The following C4orf36 variants were observed in gnomAD, a reference collection of about 807,000 sequenced individuals.
C4orf36 encodes chromosome 4 open reading frame 36.
Under a neutral mutation model 12.2 loss-of-function variants are expected in C4orf36, and 11 were observed. The ratio of observed to expected loss-of-function variants is 0.90; its 90% confidence interval spans 0.57 to 1.49. C4orf36 has a LOEUF of 1.49. Ranked by LOEUF, C4orf36 falls within the 40% of genes most tolerant of loss-of-function variation. C4orf36 has a pLI of 0.00. For missense variants in C4orf36, 137 were observed against 133.9 expected, an observed-to-expected ratio of 1.02 and a Z score of -0.11; for synonymous variants, 54 against 51.3, an observed-to-expected ratio of 1.05 and a Z score of -0.22.
the C4orf36 span, among the ~76,000 whole-genome samples, chr4:86,923,242 C>T: frequency 6.6e-6 from 1 of 151,952 alleles, no homozygotes; most frequent in African/African-American, 2.4e-5. Flanking sequence ...CAGGTATGTA[C>T]CACTATGCCT....
At chr4:86,906,728 C>CA in the C4orf36 span, among the ~76,000 whole-genome samples, 4,052 of 78,586 alleles carry the variant, frequency 0.052, 402 homozygotes, top group African/African-American at 0.17. Flanking sequence ...AAGACGGTCT[C>CA]AAAAAAAAAA....
the C4orf36 span, chr4:86,913,791 C>A: frequency 8.3e-7 from 1 of 1,200,734 alleles, no homozygotes; most frequent in African/African-American, 1.5e-5. Flanking sequence ...GGGCATCTTG[C>A]TGCCCCAGTG....
intron 2 of C4orf36, among the ~76,000 whole-genome samples, 162 bp downstream of exon 2, chr4:86,891,293 CA>C (rs34250498): frequency 0.18 from 21,042 of 118,584 alleles, 1,674 homozygotes; most frequent in South Asian, 0.33. Flanking sequence ...AAGCAGTTGC[CA>C]AAAAAAAAAA....
chr4:86,903,666 G>C, the C4orf36 span, among the ~76,000 whole-genome samples: 2 of 152,176 alleles, frequency 1.3e-5, no homozygotes, highest in Non-Finnish European at 2.9e-5. Context: ...GACAACCCAA[G>C]CAAGTTGCCG....
At chr4:86,878,582 C>T (rs1299465212) in intron 4 of C4orf36, among the ~76,000 whole-genome samples, 1 of 152,192 alleles carries the variant, frequency 6.6e-6, no homozygotes, top group Non-Finnish European at 1.5e-5. Context: ...TGGCATTTTA[C>T]CTGCCCTAGC....
At chr4:86,911,584 G>C in the C4orf36 span, among the ~76,000 whole-genome samples, 1 of 152,134 alleles carries the variant, frequency 6.6e-6, no homozygotes, top group African/African-American at 2.4e-5. Flanking sequence ...GATGAGTTTT[G>C]CTGCTGCAGC....
chr4:86,883,898 G>A (rs1005482799), intron 4 of C4orf36, among the ~76,000 whole-genome samples: 1 of 151,992 alleles, frequency 6.6e-6, no homozygotes, highest in Admixed American at 6.6e-5. Flanking sequence ...GTGTGGTGGT[G>A]CATGCCTGTA....
the C4orf36 span, among the ~76,000 whole-genome samples, chr4:86,932,759 TTTA>T: frequency 1.4e-5 from 1 of 73,406 alleles, no homozygotes; most frequent in South Asian, 4.7e-4. Flanking sequence ...AAAAGGGAGA[TTTA>T]TTTGGGGGGG....
intron 4 of C4orf36, among the ~76,000 whole-genome samples, chr4:86,884,642 T>C (rs1451263727): frequency 6.6e-6 from 1 of 152,026 alleles, no homozygotes; most frequent in African/African-American, 2.4e-5. Context: ...ACAAAGTGAG[T>C]TCTACTTGCT....
chr4:86,884,761 C>T (rs1361493978), intron 4 of C4orf36, among the ~76,000 whole-genome samples: 1 of 152,190 alleles, frequency 6.6e-6, no homozygotes, highest in Non-Finnish European at 1.5e-5. Context: ...GTGTTTTAGA[C>T]ATGAAGTCCT....
At chr4:86,917,957 T>C in the C4orf36 span, among the ~76,000 whole-genome samples, 2 of 152,234 alleles carry the variant, frequency 1.3e-5, no homozygotes, top group Admixed American at 1.3e-4. Context: ...TGTAATCACA[T>C]GGGACCATCC....
the C4orf36 span, among the ~76,000 whole-genome samples, chr4:86,931,425 G>T: frequency 2.0e-5 from 3 of 151,984 alleles, no homozygotes; most frequent in African/African-American, 4.8e-5. Flanking sequence ...TTGAGGTGGG[G>T]TCTCATTCTG....
At chr4:86,929,192 C>T in the C4orf36 span, among the ~76,000 whole-genome samples, 1 of 152,160 alleles carries the variant, frequency 6.6e-6, no homozygotes, top group Admixed American at 6.5e-5. Flanking sequence ...ATAGGTTGGA[C>T]TTGCGGCATG....
At chr4:86,931,361 C>T in the C4orf36 span, among the ~76,000 whole-genome samples, 14 of 152,074 alleles carry the variant, frequency 9.2e-5, no homozygotes, top group Non-Finnish European at 1.0e-4. Flanking sequence ...TCATCTACAC[C>T]GCTTTCCCCG....
the C4orf36 span, among the ~76,000 whole-genome samples, chr4:86,910,905 G>A: frequency 6.6e-6 from 1 of 151,078 alleles, no homozygotes; most frequent in Middle Eastern, 3.2e-3. Context: ...CTGTACTAAA[G>A]ATACAAAAAA....
chr4:86,934,161 C>A, the C4orf36 span, among the ~76,000 whole-genome samples: 1 of 152,164 alleles, frequency 6.6e-6, no homozygotes, highest in African/African-American at 2.4e-5. Context: ...ATAATTTCAC[C>A]CATTTTAAAC....
chr4:86,903,234 C>T, the C4orf36 span, among the ~76,000 whole-genome samples: 1 of 152,218 alleles, frequency 6.6e-6, no homozygotes, highest in East Asian at 1.9e-4. Flanking sequence ...TGGCCAGGCC[C>T]GGTGGCTTGG....
the C4orf36 span, among the ~76,000 whole-genome samples, chr4:86,922,721 T>C: frequency 4.6e-5 from 7 of 152,056 alleles, no homozygotes; most frequent in African/African-American, 1.7e-4. Flanking sequence ...CAGCTCACCA[T>C]CCCCACCTGC....
At chr4:86,916,619 A>T in the C4orf36 span, among the ~76,000 whole-genome samples, 4 of 152,198 alleles carry the variant, frequency 2.6e-5, no homozygotes, top group African/African-American at 9.6e-5. Context: ...CAGGCTGATT[A>T]TACTGGAACT....
Sources: gnomAD v4.1 joint callset for allele counts (sites outside exome capture counted in the v4.1 genomes callset) on GRCh38, gnomAD v4.1.1 for gene constraint, MANE v1.5 for transcripts, NCBI Gene and HGNC (gene_info 2026-07-23, HGNC 2026-07-21) for gene names.